The following SEMA6D variants were observed in gnomAD, a reference collection of about 807,000 sequenced individuals.
SEMA6D encodes semaphorin 6D.
A neutral mutation model predicts 106.6 loss-of-function variants in SEMA6D; 35 were observed. The observed-to-expected ratio is 0.33, with a 90% CI of 0.25 to 0.44. The LOEUF (loss-of-function observed/expected upper bound fraction) is 0.44. Among genes scored for constraint, SEMA6D ranks in the 20% least tolerant of loss-of-function variants. The pLI is 1.00. For synonymous variants in SEMA6D, 499 were observed against 487.7 expected (o/e 1.02, Z -0.31); for missense variants, 1,185 against 1,345.9 (o/e 0.88, Z 1.87).
intron 1 of SEMA6D, chr15:47,359,727 A>C (rs1191602893): frequency 2.0e-5 from 3 of 152,212 alleles, no homozygotes; most frequent in Non-Finnish European, 4.4e-5. Flanking sequence ...CAACATTTCT[A>C]CCAGAAATGT....
intron 1 of SEMA6D, among the ~76,000 whole-genome samples, chr15:47,380,991 A>G (rs1298972811): frequency 2.0e-5 from 3 of 152,220 alleles, no homozygotes; most frequent in Non-Finnish European, 4.4e-5. Context: ...GAAAATTAAA[A>G]CAGCTGCAAT....
intron 1 of SEMA6D, among the ~76,000 whole-genome samples, chr15:47,264,341 G>GT (rs138062604): frequency 0.75 from 112,126 of 148,744 alleles, 45,276 homozygotes; most frequent in Non-Finnish European, 0.91. Context: ...AATTTAAAAG[G>GT]TTTTTTTTTT....
intron 3 of SEMA6D, among the ~76,000 whole-genome samples, chr15:47,479,705 G>C (rs952199202): frequency 3.9e-5 from 6 of 151,936 alleles, no homozygotes; most frequent in African/African-American, 1.5e-4. Flanking sequence ...TCTAGGACTA[G>C]GGGCCATTTG....
At chr15:47,401,974 G>T (rs975854723) in intron 1 of SEMA6D, among the ~76,000 whole-genome samples, 1 of 152,082 alleles carries the variant, frequency 6.6e-6, no homozygotes, top group Non-Finnish European at 1.5e-5. Flanking sequence ...GCCAGAATTG[G>T]TTTTTTAAAA....
chr15:47,298,198 C>T (rs946011907), intron 1 of SEMA6D, among the ~76,000 whole-genome samples: 1 of 152,128 alleles, frequency 6.6e-6, no homozygotes, highest in African/African-American at 2.4e-5. Flanking sequence ...TGGGTTAGGG[C>T]GGAGCTCGCA....
intron 4 of SEMA6D, among the ~76,000 whole-genome samples, chr15:47,647,427 T>A (rs2077600952): frequency 6.6e-6 from 1 of 152,222 alleles, no homozygotes; most frequent in Non-Finnish European, 1.5e-5. Flanking sequence ...TGCTGACAGA[T>A]GAAACGCATG....
chr15:47,657,719 C>CTTTTTTTTTTTTTTTTTTT (rs71118191), intron 4 of SEMA6D, among the ~76,000 whole-genome samples: 2 of 54,676 alleles, frequency 3.7e-5, no homozygotes, highest in Non-Finnish European at 3.2e-5. Flanking sequence ...GGCTTCATTT[C>CTTTTTTTTTTTTTTTTTTT]TTTTTTTTTT....
chr15:47,227,668 G>A (rs1280778109), intron 1 of SEMA6D, among the ~76,000 whole-genome samples: 1 of 149,088 alleles, frequency 6.7e-6, no homozygotes, highest in African/African-American at 2.5e-5. Flanking sequence ...GTAGATATCT[G>A]CACTCAAGAT....
At chr15:47,356,207 A>T (rs912118974) in intron 1 of SEMA6D, among the ~76,000 whole-genome samples, 2 of 152,230 alleles carry the variant, frequency 1.3e-5, no homozygotes, top group African/African-American at 4.8e-5. Context: ...GAGACAAAAT[A>T]AGCCTAAATC....
At chr15:47,656,290 A>G (rs543510304) in intron 4 of SEMA6D, among the ~76,000 whole-genome samples, 1 of 152,370 alleles carries the variant, frequency 6.6e-6, no homozygotes, top group African/African-American at 2.4e-5. Flanking sequence ...AGAGGCTCAC[A>G]GGAATCTAAC....
chr15:47,616,722 A>G (rs1529885), intron 4 of SEMA6D, among the ~76,000 whole-genome samples: 2 of 152,148 alleles, frequency 1.3e-5, no homozygotes, highest in Non-Finnish European at 2.9e-5. Context: ...TGAGTTGTCT[A>G]TGATGGAAAA....
chr15:47,364,652 CA>C (rs576418285), intron 1 of SEMA6D, among the ~76,000 whole-genome samples: 103 of 152,228 alleles, frequency 6.8e-4, no homozygotes, highest in Non-Finnish European at 1.1e-3. Context: ...AGGAGGCAGC[CA>C]ACCATCCCAT....
At chr15:47,387,381 G>A (rs1213754401) in intron 1 of SEMA6D, among the ~76,000 whole-genome samples, 1 of 152,168 alleles carries the variant, frequency 6.6e-6, no homozygotes, top group Non-Finnish European at 1.5e-5. Context: ...TGAACTTGGA[G>A]GAACTCAGAT....
At chr15:47,319,214 T>C (rs1176675528) in intron 1 of SEMA6D, among the ~76,000 whole-genome samples, 1 of 152,220 alleles carries the variant, frequency 6.6e-6, no homozygotes, top group East Asian at 1.9e-4. Flanking sequence ...TTGAATGTTG[T>C]CTACTTTATT....
intron 1 of SEMA6D, among the ~76,000 whole-genome samples, chr15:47,731,319 C>T (rs561677780): frequency 4.6e-4 from 70 of 152,070 alleles, no homozygotes; most frequent in African/African-American, 1.6e-3. Flanking sequence ...ACTGCCCCCC[C>T]GCCCCCGGTT....
intron 3 of SEMA6D, among the ~76,000 whole-genome samples, chr15:47,569,438 G>T (rs1298265907): frequency 2.0e-5 from 3 of 152,158 alleles, no homozygotes; most frequent in Non-Finnish European, 4.4e-5. Flanking sequence ...CATACAAGGT[G>T]ATGTGAGCCC....
intron 4 of SEMA6D, among the ~76,000 whole-genome samples, chr15:47,608,837 C>G (rs2076834758): frequency 6.6e-6 from 1 of 152,024 alleles, no homozygotes; most frequent in African/African-American, 2.4e-5. Context: ...ATCCTTTTAC[C>G]TTTGAATGTC....
chr15:47,713,732 C>T (rs1280985242), upstream of SEMA6D, among the ~76,000 whole-genome samples: 1 of 152,146 alleles, frequency 6.6e-6, no homozygotes, highest in Non-Finnish European at 1.5e-5. Context: ...AATGTTATTT[C>T]ATATCAACTG....
At chr15:47,512,258 A>G (rs1261674198) in intron 3 of SEMA6D, among the ~76,000 whole-genome samples, 2 of 152,226 alleles carry the variant, frequency 1.3e-5, no homozygotes, top group Non-Finnish European at 2.9e-5. Flanking sequence ...CCCACATTGC[A>G]TATGGCACCC....
Sources: gnomAD v4.1 joint callset for allele counts (sites outside exome capture counted in the v4.1 genomes callset) on GRCh38, gnomAD v4.1.1 for gene constraint, MANE v1.5 for transcripts, NCBI Gene and HGNC (gene_info 2026-07-23, HGNC 2026-07-21) for gene names.